CFAP47: variants seen among roughly 807,000 people sequenced by gnomAD.
The protein encoded by CFAP47 is cilia- and flagella-associated protein 47.
A neutral mutation model predicts 148.1 loss-of-function variants in CFAP47; 29 were observed. The observed-to-expected ratio is 0.20, with a 90% CI of 0.15 to 0.27. The LOEUF (loss-of-function observed/expected upper bound fraction) is 0.27. Ranked by LOEUF, CFAP47 falls within the 10% of genes least tolerant of loss-of-function variation. CFAP47 has a pLI of 1.00. For synonymous variants in CFAP47, 664 were observed against 577.3 expected (o/e 1.15, Z -2.15); for missense variants, 1,872 against 1,697.5 (o/e 1.10, Z -1.81).
chrX:36,133,754 A>C (rs1218090109), intron 33 of CFAP47, among the ~76,000 whole-genome samples: 1 of 108,677 alleles, frequency 9.2e-6, no homozygotes, highest in Non-Finnish European at 1.9e-5. Flanking sequence ...TAAGGACAAC[A>C]GATACTGTCC....
At chrX:36,091,502 A>C (rs988125212) in intron 30 of CFAP47, among the ~76,000 whole-genome samples, 10 of 111,579 alleles carry the variant, frequency 9.0e-5, no homozygotes, top group Non-Finnish European at 3.8e-5. Context: ...CTTGCTGAGG[A>C]GTGGTGTTAC....
chrX:36,209,589 T>C (rs1257532371), intron 45 of CFAP47, among the ~76,000 whole-genome samples: 1 of 111,169 alleles, frequency 9.0e-6, no homozygotes, highest in Non-Finnish European at 1.9e-5. Flanking sequence ...AATTTTATTA[T>C]AGTCTATCTT....
intron 36 of CFAP47, among the ~76,000 whole-genome samples, chrX:36,148,621 A>G (rs10284184): frequency 0.098 from 10,957 of 111,662 alleles, 1,063 homozygotes; most frequent in African/African-American, 0.3. Flanking sequence ...TCGTTGAACT[A>G]CCACATCTAG....
At chrX:36,256,839 G>A (rs1316014030) in intron 49 of CFAP47, among the ~76,000 whole-genome samples, 4 of 111,460 alleles carry the variant, frequency 3.6e-5, no homozygotes, top group Non-Finnish European at 1.9e-5. Context: ...CAAGATTCCA[G>A]CCACTACTGA....
intron 42 of CFAP47, among the ~76,000 whole-genome samples, chrX:36,193,261 C>G (rs1939884504): frequency 9.0e-6 from 1 of 111,710 alleles, no homozygotes; most frequent in Non-Finnish European, 1.9e-5. Context: ...CAGAATTTAA[C>G]AGTATTGATT....
intron 62 of CFAP47, among the ~76,000 whole-genome samples, chrX:36,370,257 C>T (rs1386245887): frequency 8.4e-5 from 8 of 95,074 alleles, no homozygotes; most frequent in Non-Finnish European, 1.7e-4. Context: ...CCCAGCCCCC[C>T]ACCCCCCAGC....
intron 62 of CFAP47, chrX:36,368,008 G>A (rs1941895385): frequency 9.0e-6 from 1 of 111,495 alleles, no homozygotes; most frequent in Non-Finnish European, 1.9e-5. Flanking sequence ...CAAAATGAGT[G>A]GTGAACAGTT....
intron 33 of CFAP47, among the ~76,000 whole-genome samples, chrX:36,116,212 C>T (rs778509288): frequency 7.2e-5 from 8 of 111,688 alleles, no homozygotes; most frequent in African/African-American, 2.6e-4. Context: ...CCTTGACCTC[C>T]TCCCACTCTC....
chrX:35,982,498 A>G (rs1936660021), intron 15 of CFAP47, among the ~76,000 whole-genome samples: 1 of 110,674 alleles, frequency 9.0e-6, no homozygotes, highest in South Asian at 3.8e-4. Flanking sequence ...TTTTTGTTGC[A>G]ATTGCTTTTG....
Position 35,975,200 on chromosome X carries a change from C to G in CFAP47, c.2308C>G (p.Leu770Val). 2 of 1,200,237 alleles carry G rather than the reference C, an allele frequency of 1.7e-6. No individual in the cohort carries two copies. Among genetic ancestry groups the G allele is most frequent in the Non-Finnish European group, 2.3e-6 (2 of 885,919 alleles). Residue 770 changes from leucine to valine, a missense_variant, in exon 14 of 64, where the codon CTA (leucine) becomes GTA (valine). Coordinates refer to ENST00000378653, the MANE Select transcript of CFAP47 (RefSeq NM_001304548.2). The part of the protein sequence containing the change: ...NICVNSPNTH[L>V]LHVINMLPMH... ...TTGTGTGAACTCTCCAAATACTCAT[C>G]TACTTCATGTTATTAATATGCTACC...
At chrX:36,250,666 G>A (rs902174390) in intron 48 of CFAP47, among the ~76,000 whole-genome samples, 1 of 110,153 alleles carries the variant, frequency 9.1e-6, no homozygotes, top group African/African-American at 3.3e-5. Context: ...AAAACATCAT[G>A]TTGTACATTA....
intron 36 of CFAP47, among the ~76,000 whole-genome samples, chrX:36,145,850 G>A (rs1468857328): frequency 1.9e-5 from 2 of 105,925 alleles, no homozygotes; most frequent in Non-Finnish European, 3.9e-5. Context: ...GTGAGCATCA[G>A]TTGATAAGGA....
In CFAP47 at chrX:36,132,883, G is replaced by T. The variant is rs1319906607; in HGVS notation, c.5321-5075G>T. Among the ~76,000 whole-genome samples, 3 of 111,546 alleles carry T rather than the reference G, an allele frequency of 2.7e-5. No homozygotes were observed. The East Asian group carries it at 8.5e-4, about 32-fold the overall frequency. ...ATAGATGCCCTGGTTTCTACTCAGG[G>T]AGATAGAGAACTGGAAACTGTTTTC... On this transcript the variant is annotated intron_variant, in intron 33 of 63. Transcript: ENST00000378653.
chrX:36,353,814 A>AT, intron 60 of CFAP47, 133 bp downstream of exon 60: 2 of 471,537 alleles, frequency 4.2e-6, no homozygotes, highest in Non-Finnish European at 6.9e-6. Flanking sequence ...TTATTCACAT[A>AT]GTGCTTAAGG....
intron 39 of CFAP47, among the ~76,000 whole-genome samples, chrX:36,173,911 C>G (rs1939625985): frequency 9.0e-6 from 1 of 111,378 alleles, no homozygotes; most frequent in Admixed American, 9.5e-5. Flanking sequence ...GTTAAAGTCT[C>G]CCATTATTAA....
At chrX:36,145,682 T>G (rs1334857750) in intron 36 of CFAP47, among the ~76,000 whole-genome samples, 1 of 111,388 alleles carries the variant, frequency 9.0e-6, no homozygotes, top group Non-Finnish European at 1.9e-5. Flanking sequence ...TCAGGCTCTT[T>G]TATGTTTGTC....
chrX:36,005,756 G>A (rs755601267), intron 21 of CFAP47, among the ~76,000 whole-genome samples: 7 of 111,470 alleles, frequency 6.3e-5, no homozygotes, highest in African/African-American at 2.3e-4. Context: ...TTTCAAATTT[G>A]TATTCTTATT....
At chrX:36,090,418 A>C (rs2035778314) in intron 30 of CFAP47, among the ~76,000 whole-genome samples, 1 of 112,052 alleles carries the variant, frequency 8.9e-6, no homozygotes, top group Non-Finnish European at 1.9e-5. Context: ...CATTAAACCT[A>C]TGGAACTTGC....
intron 57 of CFAP47, among the ~76,000 whole-genome samples, chrX:36,336,981 C>T (rs1405290204): frequency 8.9e-6 from 1 of 111,813 alleles, no homozygotes; most frequent in Non-Finnish European, 1.9e-5. Context: ...TTAAAATAAA[C>T]CTTCTTCCCT....
Sources: allele counts gnomAD v4.1 joint callset (sites outside exome capture counted in the v4.1 genomes callset), GRCh38; gene constraint gnomAD v4.1.1; transcripts MANE v1.5; gene names NCBI Gene and HGNC (gene_info 2026-07-23, HGNC 2026-07-21).